MYO5B: variants seen among roughly 807,000 people sequenced by gnomAD.
MYO5B encodes the protein myosin VB.
Under a neutral mutation model 229.3 loss-of-function variants are expected in MYO5B, and 143 were observed. That is an observed-to-expected ratio of 0.62 (90% CI 0.54 to 0.72). The LOEUF (loss-of-function observed/expected upper bound fraction) is 0.72. MYO5B is among the 30% of genes least tolerant of loss of function. The probability of loss-of-function intolerance (pLI) is 0.00; values close to 1 mark genes in which losing one functional copy is unlikely to be tolerated. For synonymous variants in MYO5B, 918 were observed against 885.2 expected, an observed-to-expected ratio of 1.04 and a Z score of -0.66; for missense variants, 2,321 against 2,331.0, an observed-to-expected ratio of 1.00 and a Z score of 0.09.
intron 16 of MYO5B, among the ~76,000 whole-genome samples, chr18:49,935,705 T>C (rs780583638): frequency 9.9e-5 from 15 of 152,192 alleles, no homozygotes; most frequent in Non-Finnish European, 1.8e-4. Flanking sequence ...CACATGAGCA[T>C]GGACAGAACC....
At chr18:50,164,399 TAG>T (rs988878185) in intron 1 of MYO5B, among the ~76,000 whole-genome samples, 3 of 152,152 alleles carry the variant, frequency 2.0e-5, no homozygotes, top group African/African-American at 7.2e-5. Flanking sequence ...ATCCATGAGA[TAG>T]AGTCTACTGA....
In MYO5B at chr18:49,849,594, A is replaced by G. The variant is rs773810603; in HGVS notation, c.4288T>C (p.Tyr1430His). 1.9e-6 allele frequency: 3 copies of G among 1,613,080 alleles called. No homozygotes were observed. The highest frequency in any genetic ancestry group is 1.1e-5 in the South Asian group (1 of 91,022). Reference sequence around the variant, plus strand: ...TCTAGGTCCTGGGCTTTCTTCATGTAAATCTTCAGTTGCTTTTTGAGCTTC... The same window carrying G: ...TCTAGGTCCTGGGCTTTCTTCATGTGAATCTTCAGTTGCTTTTTGAGCTTC... ...ERKLKKQLKI[Y>H]MKKAQDLEAA... The change falls in exon 32 of 40, where the codon TAC becomes CAC. Residue 1430 changes from tyrosine (Y) to histidine (H), a missense_variant. By Grantham distance (83) the Tyr-to-His change is moderately conservative (BLOSUM62 2). Around this residue, in one of 2 missense-constraint regions of MYO5B, gnomAD observed 2,113 missense variants for 2,044.7 expected, o/e 1.03. Coordinates refer to ENST00000285039, the MANE Select transcript of MYO5B (RefSeq NM_001080467.3).
At chr18:49,846,820 G>A (rs1207279749) in intron 33 of MYO5B, among the ~76,000 whole-genome samples, 1 of 152,256 alleles carries the variant, frequency 6.6e-6, no homozygotes, top group East Asian at 1.9e-4. Flanking sequence ...GGCCTGCAGA[G>A]AGCTGCACCA....
intron 1 of MYO5B, 30 bp from the exon 2 acceptor site, chr18:50,055,408 T>A: frequency 1.3e-6 from 2 of 1,568,904 alleles, no homozygotes; most frequent in Non-Finnish European, 1.8e-6. Context: ...GAAACTTAGA[T>A]ACAGAACAAA....
chr18:50,106,755 T>C lies in MYO5B; in HGVS notation c.28-51377A>G, dbSNP rs1033766673. ...CTCCACATGTCAGACAATTCATCTG[T>C]GTCCCTGACAGACCCAGTCCGTGAA... On this transcript the variant is annotated intron_variant, in intron 1 of 39. Coordinates refer to ENST00000285039, the MANE Select transcript of MYO5B (RefSeq NM_001080467.3). Among the ~76,000 whole-genome samples, 9 of 152,346 alleles carry C rather than the reference T, an allele frequency of 5.9e-5. No homozygotes were observed. The South Asian group carries it at 8.3e-4, about 14-fold the overall frequency.
chr18:50,173,228 G>A (rs914034229), intron 1 of MYO5B, among the ~76,000 whole-genome samples: 1 of 151,188 alleles, frequency 6.6e-6, no homozygotes, highest in Non-Finnish European at 1.5e-5. Context: ...TCACACCACT[G>A]CACTCCAGCC....
intron 1 of MYO5B, among the ~76,000 whole-genome samples, chr18:50,095,013 A>G (rs945475926): frequency 3.9e-5 from 6 of 152,154 alleles, no homozygotes; most frequent in South Asian, 2.1e-4. Context: ...TATTTTTAGT[A>G]GAGACAAGGT....
At chr18:49,882,367 C>T (rs1159532706) in intron 22 of MYO5B, among the ~76,000 whole-genome samples, 1 of 127,226 alleles carries the variant, frequency 7.9e-6, no homozygotes, top group Non-Finnish European at 1.7e-5. Flanking sequence ...GCGTGGCTCA[C>T]ACCTGCAATC....
chr18:49,837,485 A>G, intron 37 of MYO5B, 32 bp downstream of exon 37: 3 of 1,612,910 alleles, frequency 1.9e-6, no homozygotes, highest in Non-Finnish European at 1.7e-6. Flanking sequence ...GGCCCACTCT[A>G]TCTGTGTTGT....
chr18:50,164,019 C>T (rs137872671), intron 1 of MYO5B, among the ~76,000 whole-genome samples: 37 of 152,294 alleles, frequency 2.4e-4, no homozygotes, highest in Non-Finnish European at 1.5e-5. Flanking sequence ...AGAGGTACAA[C>T]ATTACAGGCA....
At chr18:50,132,618 G>A (rs1281129880) in intron 1 of MYO5B, among the ~76,000 whole-genome samples, 1 of 152,152 alleles carries the variant, frequency 6.6e-6, no homozygotes, top group Non-Finnish European at 1.5e-5. Context: ...TCTCCACCAT[G>A]CTCCCCTCTT....
chr18:50,182,305 T>G (rs1255697289), intron 1 of MYO5B, among the ~76,000 whole-genome samples: 2 of 152,194 alleles, frequency 1.3e-5, no homozygotes, highest in Non-Finnish European at 2.9e-5. Context: ...CAGGTGGATA[T>G]CCATACATGC....
At chr18:50,147,751 C>T (rs147014095) in intron 1 of MYO5B, among the ~76,000 whole-genome samples, 17 of 152,290 alleles carry the variant, frequency 1.1e-4, no homozygotes, top group Admixed American at 2.0e-4. Flanking sequence ...CTACTCTATC[C>T]CTCATCTCTC....
chr18:50,081,403 C>T (rs78830728), intron 1 of MYO5B, among the ~76,000 whole-genome samples: 1,573 of 152,308 alleles, frequency 0.01, 21 homozygotes, highest in African/African-American at 0.035. Context: ...ACTGAGGGCT[C>T]GGGATTCTTT....
In MYO5B at chr18:50,040,256, T is replaced by G. The variant is rs117920737; in HGVS notation, c.197A>C (p.Asp66Ala). 4.2e-5 allele frequency: 68 copies of G among 1,614,126 alleles called. No homozygotes were observed. In the East Asian group the frequency reaches 1.4e-3, roughly 34 times the overall value. ...RNQLPFLRNP[D>A]ILVGENDLTA... is the part of the protein sequence containing the mutation. ...CAGGTCATTTTCTCCCACCAAGATA[T>G]CTGGATTCCGTAAGAAGGGCAGCTG... is the stretch of plus-strand genomic sequence containing the variant. The change falls in exon 3 of 40, where the codon GAT (aspartate) becomes GCT (alanine). Residue 66 changes from aspartate to alanine, a missense_variant. Physicochemically the swap from Asp to Ala is moderately radical, Grantham distance 126. Coordinates refer to ENST00000285039, the MANE Select transcript of MYO5B (RefSeq NM_001080467.3).
intron 38 of MYO5B, among the ~76,000 whole-genome samples, chr18:49,836,483 G>A (rs1182689999): frequency 6.6e-6 from 1 of 152,138 alleles, no homozygotes; most frequent in Non-Finnish European, 1.5e-5. Flanking sequence ...GAGTAAGAGG[G>A]ATAGAGAGTT....
intron 1 of MYO5B, among the ~76,000 whole-genome samples, chr18:50,131,928 C>T (rs749094450): frequency 6.2e-4 from 94 of 152,294 alleles, no homozygotes; most frequent in Non-Finnish European, 1.0e-3. Flanking sequence ...CAGATCTGGA[C>T]CTGAACTTTT....
intron 39 of MYO5B, among the ~76,000 whole-genome samples, chr18:49,832,113 A>G (rs1171434220): frequency 6.6e-6 from 1 of 152,238 alleles, no homozygotes; most frequent in Non-Finnish European, 1.5e-5. Context: ...TGATGAAAGA[A>G]TTTTGGAAAT....
chr18:49,929,721 G>T, intron 16 of MYO5B, 123 bp from the exon 17 acceptor site: 2 of 847,198 alleles, frequency 2.4e-6, no homozygotes, highest in Non-Finnish European at 1.9e-6. Context: ...CTGAGTTACA[G>T]CCACTGAGTT....
Sources: allele counts gnomAD v4.1 joint callset (sites outside exome capture counted in the v4.1 genomes callset), GRCh38; gene constraint gnomAD v4.1.1; regional missense constraint gnomAD v4.1.1; transcripts MANE v1.5; gene names NCBI Gene and HGNC (gene_info 2026-07-23, HGNC 2026-07-21).